Variants in ZNF777 observed in about 807,000 individuals in gnomAD.
ZNF777 encodes the protein zinc finger protein 777.
ZNF777 carries 7 observed loss-of-function variants against 72.1 expected under a neutral mutation model. The ratio of observed to expected loss-of-function variants is 0.10; its 90% CI spans 0.06 to 0.18. The LOEUF (loss-of-function observed/expected upper bound fraction) is 0.18, where lower values mean the gene tolerates loss of function less well. Ranked by LOEUF, ZNF777 falls within the 10% of genes least tolerant of loss-of-function variation. ZNF777 has a pLI of 1.00. For synonymous variants in ZNF777, 545 were observed against 483.5 expected (o/e 1.13, Z -1.67); for missense variants, 828 against 1,128.6 (o/e 0.73, Z 3.82).
chr7:149,452,867 T>C (rs1220527920), intron 3 of ZNF777, among the ~76,000 whole-genome samples: 2 of 152,192 alleles, frequency 1.3e-5, no homozygotes, highest in African/African-American at 4.8e-5. Flanking sequence ...TTAGTATCTG[T>C]CCTACTGTAA....
chr7:149,434,878 G>A (rs916438815), intron 5 of ZNF777, among the ~76,000 whole-genome samples: 2 of 152,156 alleles, frequency 1.3e-5, no homozygotes, highest in Admixed American at 6.5e-5. Flanking sequence ...ATGAGCCACC[G>A]CTCCTGGCCG....
At chr7:149,451,167 T>C (rs1799709325) in intron 3 of ZNF777, 55 bp from the exon 4 acceptor site, 4 of 1,491,500 alleles carry the variant, frequency 2.7e-6, no homozygotes, top group South Asian at 2.3e-5. Context: ...CACTGGATGT[T>C]GTTAAGGTAT....
intron 4 of ZNF777, among the ~76,000 whole-genome samples, chr7:149,438,070 G>A (rs1311140846): frequency 1.3e-5 from 2 of 151,808 alleles, no homozygotes; most frequent in East Asian, 1.9e-4. Context: ...TAGTAGAGAC[G>A]GGGTTTCACC....
chr7:149,442,621 A>AT (rs890513239), intron 4 of ZNF777, among the ~76,000 whole-genome samples: 14 of 151,308 alleles, frequency 9.3e-5, no homozygotes, highest in Non-Finnish European at 1.2e-4. Context: ...CTCTGTCTAA[A>AT]AAAAAAAAAA....
rs1212193862 is a variant in ZNF777, at chr7:149,431,586, G to A, written c.*190C>T. Reference sequence around the variant, plus strand: ...CGCCCTCCCCCCTGGGGCCCCCGGGGAAACGCGGCAGCAAGGGACCTGGTC... The same window carrying A: ...CGCCCTCCCCCCTGGGGCCCCCGGGAAAACGCGGCAGCAAGGGACCTGGTC... On this transcript the variant is annotated 3_prime_UTR_variant, in exon 6 of 6. Coordinates refer to ENST00000247930, the MANE Select transcript of ZNF777 (RefSeq NM_015694.3). 8.2e-6 allele frequency: 5 copies of A among 607,438 alleles called. No individual in the cohort carries two copies. Among genetic ancestry groups the A allele is most frequent in the Non-Finnish European group, 1.1e-5 (4 of 375,684 alleles). The allele number at this position is 607,438 out of a possible 1,614,324, so 37.6% of individuals were successfully genotyped here.
Position 149,431,791 on chromosome 7 carries a change from G to A in ZNF777, c.2481C>T (p.Thr827=), listed in dbSNP as rs763309356. Residue 827 remains threonine (T), a synonymous_variant, in exon 6 of 6, where the codon ACC becomes ACT. Transcript: ENST00000247930. The stretch of plus-strand genomic sequence containing the variant: ...GGGCGCGCGCTCACTCGCCCGTGTG[G>A]GTCCGCAGGTGGTACTTGAGCGACT... The part of the protein sequence containing the change: ...YKQSLKYHLR[T]HTGE 7.5e-6 allele frequency: 12 copies of A among 1,595,668 alleles called. No homozygotes were observed. Among genetic ancestry groups the A allele is most frequent in the East Asian group, 6.7e-5 (3 of 44,598 alleles).
chr7:149,432,309 G>C lies in ZNF777; in HGVS notation c.1963C>G (p.Gln655Glu). Residue 655 changes from glutamine to glutamate, a missense_variant, in exon 6 of 6, where the codon CAG (glutamine) becomes GAG (glutamate). This residue lies in a region of ZNF777 where 26 missense variants were observed against 62.1 expected (regional missense o/e 0.42). Coordinates refer to ENST00000247930, the MANE Select transcript of ZNF777 (RefSeq NM_015694.3). ...FSHKSSLTKH[Q>E]ITHTGERPYT... ...GGCCGCTCACCCGTGTGCGTGATCTGGTGTTTGGTCAGGCTGGACTTGTGG... is the reference window on the plus strand; with the variant it reads ...GGCCGCTCACCCGTGTGCGTGATCTCGTGTTTGGTCAGGCTGGACTTGTGG... The C allele has an allele frequency of 6.2e-7, 1 of 1,609,972 alleles. No homozygotes were observed. The highest frequency in any genetic ancestry group is 2.2e-5 in the East Asian group (1 of 44,816).
intron 4 of ZNF777, among the ~76,000 whole-genome samples, chr7:149,447,155 C>A (rs183530621): frequency 6.6e-6 from 1 of 152,188 alleles, no homozygotes; most frequent in African/African-American, 2.4e-5. Flanking sequence ...CGGGCCCCAT[C>A]ATGAACAACA....
At position 149,455,533 on chromosome 7, in the gene ZNF777, T is replaced by C. The variant is rs1286878588; in HGVS notation, c.490A>G (p.Thr164Ala). The C allele has an allele frequency of 3.1e-6, 5 of 1,613,144 alleles. No homozygotes were observed. Among genetic ancestry groups the C allele is most frequent in the Non-Finnish European group, 1.7e-6 (2 of 1,179,860 alleles). ...LLQSPVSQKDTPFQISSAVQK... is the reference protein window; with the variant it reads ...LLQSPVSQKDAPFQISSAVQK... ...ACTGCAGAAGAGATCTGGAAAGGGG[T>C]GTCCTTTTGGGAAACCGGGCTCTGG... The change falls in exon 2 of 6, where the codon ACC becomes GCC. Residue 164 changes from threonine to alanine, a missense_variant. Around this residue, in one of 12 missense-constraint regions of ZNF777, gnomAD observed 222 missense variants for 211.2 expected, o/e 1.05. Transcript: ENST00000247930. This position sits in a 1 kb window ranked among gnomAD's most constrained non-coding sequence, Gnocchi z 4.2.
intron 4 of ZNF777, among the ~76,000 whole-genome samples, chr7:149,448,928 T>G (rs1356000068): frequency 6.6e-6 from 1 of 152,224 alleles, no homozygotes; most frequent in East Asian, 1.9e-4. Flanking sequence ...ATGAATTTAC[T>G]TAGCCAATTC....
chr7:149,432,809 T>G lies in ZNF777; in HGVS notation c.1463A>C (p.Gln488Pro). ...LSGRYEASMY[Q>P]TPLPGEMSPE... ...GGACATCTCCCCGGGCAGCGGGGTCTGGTACATACTGGCCTCATATCTCCC... is the reference window on the plus strand; with the variant it reads ...GGACATCTCCCCGGGCAGCGGGGTCGGGTACATACTGGCCTCATATCTCCC... The change falls in exon 6 of 6, where the codon CAG becomes CCG. Residue 488 changes from glutamine to proline, a missense_variant. Physicochemically the swap from Gln to Pro is moderately conservative, Grantham distance 76 (BLOSUM62 -1). This residue lies in a region of ZNF777 where 219 missense variants were observed against 223.0 expected (regional missense o/e 0.98). Coordinates refer to ENST00000247930, the MANE Select transcript of ZNF777 (RefSeq NM_015694.3). The G allele has an allele frequency of 6.2e-7, 1 of 1,604,912 alleles. No homozygotes were observed. Among genetic ancestry groups the G allele is most frequent in the South Asian group, 1.1e-5 (1 of 90,408 alleles).
intron 5 of ZNF777, among the ~76,000 whole-genome samples, chr7:149,434,262 G>A (rs1239504257): frequency 2.0e-5 from 3 of 152,194 alleles, no homozygotes; most frequent in Non-Finnish European, 2.9e-5. Context: ...CCAACGTCTT[G>A]TAAGGTTGCT....
intron 4 of ZNF777, among the ~76,000 whole-genome samples, chr7:149,445,526 G>A (rs560355231): frequency 1.3e-5 from 2 of 152,286 alleles, no homozygotes; most frequent in African/African-American, 2.4e-5. Context: ...CTCTTGGGCT[G>A]GTCCCAAAAG....
intron 4 of ZNF777, among the ~76,000 whole-genome samples, chr7:149,449,905 T>A (rs1563238340): frequency 6.6e-6 from 1 of 152,130 alleles, no homozygotes; most frequent in Non-Finnish European, 1.5e-5. Context: ...TTTTACAGGG[T>A]TCTGTCTCTC....
At chr7:149,437,759 T>A (rs964397019) in intron 4 of ZNF777, among the ~76,000 whole-genome samples, 11 of 151,958 alleles carry the variant, frequency 7.2e-5, no homozygotes, top group Non-Finnish European at 7.4e-5. Context: ...GTGCTTATGT[T>A]GTTATTCTAA....
intron 4 of ZNF777, among the ~76,000 whole-genome samples, chr7:149,439,366 C>T (rs182873201): frequency 3.3e-5 from 5 of 152,256 alleles, no homozygotes; most frequent in Admixed American, 3.3e-4. Context: ...AAACTATGTA[C>T]TCCTTTGCAC....
rs922697069 is a variant in ZNF777 at position 149,432,815 on chromosome 7, A to G, written c.1457T>C (p.Met486Thr). 20 of 1,603,372 alleles carry G rather than the reference A, an allele frequency of 1.2e-5. No individual in the cohort carries two copies. The highest frequency in any genetic ancestry group is 1.7e-5 in the Admixed American group (1 of 59,386). ...CTCCCCGGGCAGCGGGGTCTGGTAC[A>G]TACTGGCCTCATATCTCCCGGACAG... ...GQLSGRYEAS[M>T]YQTPLPGEMS... The change falls in exon 6 of 6, where the codon ATG becomes ACG. Residue 486 changes from methionine (M) to threonine (T), a missense_variant. By Grantham distance (81) the Met-to-Thr change is moderately conservative. Around this residue, in one of 12 missense-constraint regions of ZNF777, gnomAD observed 219 missense variants for 223.0 expected, o/e 0.98. Transcript: ENST00000247930.
chr7:149,450,246 G>T (rs1238358772), intron 4 of ZNF777, among the ~76,000 whole-genome samples: 1 of 152,226 alleles, frequency 6.6e-6, no homozygotes, highest in African/African-American at 2.4e-5. Context: ...AAGAGCGCCT[G>T]CAGTGTGAGT....
chr7:149,435,493 C>A (rs906252784), intron 5 of ZNF777, among the ~76,000 whole-genome samples: 1 of 151,934 alleles, frequency 6.6e-6, no homozygotes, highest in Non-Finnish European at 1.5e-5. Context: ...TTTTGACCAA[C>A]GAGATGGTCA....
Sources: allele counts gnomAD v4.1 joint callset (sites outside exome capture counted in the v4.1 genomes callset), GRCh38; gene constraint gnomAD v4.1.1; regional missense constraint gnomAD v4.1.1; non-coding constraint Gnocchi (gnomAD v3.1); transcripts MANE v1.5; gene names NCBI Gene and HGNC (gene_info 2026-07-23, HGNC 2026-07-21).